PTPN3: variants seen among roughly 807,000 people sequenced by gnomAD.
PTPN3 encodes the protein tyrosine-protein phosphatase non-receptor type 3.
PTPN3 carries 96 observed loss-of-function variants against 132.7 expected under a neutral mutation model. That is an observed-to-expected ratio of 0.72 (90% CI 0.61 to 0.86). The LOEUF is 0.86. Among genes scored for constraint, PTPN3 ranks in the 40% least tolerant of loss-of-function variants. The pLI is 0.00. For synonymous variants in PTPN3, 398 were observed against 429.0 expected (o/e 0.93, Z 0.89); for missense variants, 1,125 against 1,159.6 (o/e 0.97, Z 0.43).
At chr9:109,447,322 T>C (rs1280061914) in intron 6 of PTPN3, among the ~76,000 whole-genome samples, 1 of 152,024 alleles carries the variant, frequency 6.6e-6, no homozygotes, top group Non-Finnish European at 1.5e-5. Context: ...AAAGACTAAG[T>C]GTGCAGAAGA....
chr9:109,457,146 C>T (rs184359659), intron 4 of PTPN3, 27 bp downstream of exon 4: 85 of 1,607,908 alleles, frequency 5.3e-5, no homozygotes, highest in Middle Eastern at 5.0e-4. Flanking sequence ...ACCTAATGTT[C>T]GACTGAAATG....
chr9:109,456,145 C>T (rs1845552753), intron 4 of PTPN3, among the ~76,000 whole-genome samples: 1 of 152,200 alleles, frequency 6.6e-6, no homozygotes, highest in Non-Finnish European at 1.5e-5. Flanking sequence ...GGTGCTGAGG[C>T]AGGTGTGCGT....
Position 109,420,516 on chromosome 9 carries a change from CG to C in PTPN3, c.1220del (p.Thr407ArgfsTer44). On this transcript the variant is annotated frameshift_variant, in exon 14 of 26. Transcript: ENST00000374541. LOFTEE classifies it high-confidence loss of function. ...DNLANEMTYI[T>X]ETEDVFYTYK... is the part of the protein sequence containing the mutation. ...ACGTGTAAAATACATCTTCCGTTTC[CG>C]TGATGTAGGTCATTTCATTTGCAAG... is the stretch of plus-strand genomic sequence containing the variant. 6.2e-7 allele frequency: 1 copy of C among 1,613,316 alleles called. No homozygotes were observed. Among genetic ancestry groups the C allele is most frequent in the Non-Finnish European group, 8.5e-7 (1 of 1,179,756 alleles).
At chr9:109,518,513 A>T in the PTPN3 span, among the ~76,000 whole-genome samples, 2 of 152,254 alleles carry the variant, frequency 1.3e-5, no homozygotes, top group South Asian at 4.1e-4. Flanking sequence ...CCTCTAGGTG[A>T]TCTGTGTGGT....
intron 5 of PTPN3, chr9:109,450,341 A>G: frequency 1.0e-6 from 1 of 985,382 alleles, no homozygotes; most frequent in East Asian, 1.1e-4. Context: ...TTCAACCAGA[A>G]TTAAGTGTTC....
chr9:109,395,284 AAG>A (rs1266776056), intron 19 of PTPN3, among the ~76,000 whole-genome samples: 3 of 152,192 alleles, frequency 2.0e-5, no homozygotes, highest in East Asian at 3.9e-4. Context: ...AAGTGAGAAA[AAG>A]AAATACAACA....
upstream of PTPN3, among the ~76,000 whole-genome samples, chr9:109,499,088 T>C (rs1406534151): frequency 8.2e-6 from 1 of 122,030 alleles, no homozygotes; most frequent in Non-Finnish European, 1.9e-5. Context: ...TTTTCTCGCG[T>C]GGGGAACAAA....
chr9:109,509,420 C>T, the PTPN3 span, among the ~76,000 whole-genome samples: 1 of 152,176 alleles, frequency 6.6e-6, no homozygotes, highest in Admixed American at 6.5e-5. Flanking sequence ...TAGATAGGCT[C>T]AGGGGCCTCT....
chr9:109,390,997 C>T, intron 21 of PTPN3, 141 bp downstream of exon 21: 1 of 716,824 alleles, frequency 1.4e-6, no homozygotes, highest in Non-Finnish European at 2.4e-6. Context: ...ATTCTGCCTG[C>T]CCTCCCATGG....
At chr9:109,470,113 T>C (rs1360405712) in intron 1 of PTPN3, among the ~76,000 whole-genome samples, 2 of 152,122 alleles carry the variant, frequency 1.3e-5, no homozygotes, top group East Asian at 1.9e-4. Context: ...ATTTCTAGCA[T>C]GGAAAAGTAC....
In PTPN3 at chr9:109,490,343, T is replaced by C. The variant is rs1162794671; in HGVS notation, c.-18+7876A>G. 2.6e-5 allele frequency among the ~76,000 whole-genome samples: 4 copies of C among 152,238 alleles called. No individual in the cohort carries two copies. The East Asian group carries it at 5.8e-4, about 22-fold the overall frequency. Reference sequence around the variant, plus strand: ...ACAAATATTTACTGAGTGCATTTGATGGTCCAGGGACTGTGCTTGGCACTG... The same window carrying C: ...ACAAATATTTACTGAGTGCATTTGACGGTCCAGGGACTGTGCTTGGCACTG... On this transcript the variant is annotated intron_variant, in intron 1 of 25. Transcript: ENST00000374541.
At chr9:109,482,499 A>G (rs972663970) in intron 1 of PTPN3, among the ~76,000 whole-genome samples, 2 of 152,242 alleles carry the variant, frequency 1.3e-5, no homozygotes, top group Non-Finnish European at 2.9e-5. Context: ...GTTATTTTCT[A>G]TGATGAGCAA....
chr9:109,414,217 T>C (rs1166852354), intron 14 of PTPN3, among the ~76,000 whole-genome samples: 1 of 152,230 alleles, frequency 6.6e-6, no homozygotes, highest in Non-Finnish European at 1.5e-5. Flanking sequence ...AGGTGCAAAG[T>C]GAAGGCGAGT....
At chr9:109,422,539 C>T (rs530089940) in intron 13 of PTPN3, among the ~76,000 whole-genome samples, 179 bp downstream of exon 13, 51 of 152,210 alleles carry the variant, frequency 3.4e-4, no homozygotes, top group Middle Eastern at 3.4e-3. Context: ...GCATTATACA[C>T]GATGGAAAAC....
intron 10 of PTPN3, among the ~76,000 whole-genome samples, chr9:109,431,579 A>C (rs1274714374): frequency 6.6e-6 from 1 of 152,238 alleles, no homozygotes; most frequent in Non-Finnish European, 1.5e-5. Context: ...GGTGAATGAA[A>C]GATGGAGAGA....
At chr9:109,430,360 G>A (rs1367228024) in intron 10 of PTPN3, among the ~76,000 whole-genome samples, 1 of 152,102 alleles carries the variant, frequency 6.6e-6, no homozygotes, top group Admixed American at 6.5e-5. Context: ...AGGAGGGCCT[G>A]GCAGGCCTCC....
chr9:109,510,574 A>AT, the PTPN3 span, among the ~76,000 whole-genome samples: 1,528 of 46,816 alleles, frequency 0.033, 15 homozygotes, highest in South Asian at 0.046. Flanking sequence ...AAAAAAAAAA[A>AT]AAATATATAT....
chr9:109,484,395 C>G (rs1368609214), intron 1 of PTPN3, among the ~76,000 whole-genome samples: 2 of 152,190 alleles, frequency 1.3e-5, no homozygotes, highest in Non-Finnish European at 1.5e-5. Flanking sequence ...AGTGGGGGCC[C>G]GGTGATGGTC....
At chr9:109,522,481 C>T in the PTPN3 span, among the ~76,000 whole-genome samples, 1 of 152,218 alleles carries the variant, frequency 6.6e-6, no homozygotes, top group African/African-American at 2.4e-5. Flanking sequence ...TGATGCTGCA[C>T]ATTGTAGCAT....
Sources: gnomAD v4.1 joint callset for allele counts (sites outside exome capture counted in the v4.1 genomes callset) on GRCh38, gnomAD v4.1.1 for gene constraint, MANE v1.5 for transcripts, NCBI Gene and HGNC (gene_info 2026-07-23, HGNC 2026-07-21) for gene names.